KCNG3: variants seen among roughly 807,000 people sequenced by gnomAD.
The protein encoded by KCNG3 is voltage-gated potassium channel regulatory subunit KCNG3.
A neutral mutation model predicts 29.0 loss-of-function variants in KCNG3; 15 were observed. That is an observed-to-expected ratio of 0.52 (90% CI 0.35 to 0.80). The LOEUF is 0.80. Among genes scored for constraint, KCNG3 ranks in the 30% least tolerant of loss-of-function variants. KCNG3 has a pLI of 0.01. For missense variants in KCNG3, 512 were observed against 605.7 expected (o/e 0.85, Z 1.62); for synonymous variants, 322 against 248.9 (o/e 1.29, Z -2.76).
At chr2:42,399,056 C>CTTTTTT in the KCNG3 span, among the ~76,000 whole-genome samples, 38 of 107,630 alleles carry the variant, frequency 3.5e-4, no homozygotes, top group Non-Finnish European at 4.2e-4. Context: ...TTTTTCTTTT[C>CTTTTTT]TTTTTTTTTT....
At chr2:42,408,841 G>A in the KCNG3 span, among the ~76,000 whole-genome samples, 1 of 152,202 alleles carries the variant, frequency 6.6e-6, no homozygotes, top group Non-Finnish European at 1.5e-5. Flanking sequence ...AAGAGCTGCA[G>A]TCCTTTGCGG....
chr2:42,480,403 C>A (rs1238309552), intron 1 of KCNG3, among the ~76,000 whole-genome samples: 1 of 152,142 alleles, frequency 6.6e-6, no homozygotes, highest in Non-Finnish European at 1.5e-5. Flanking sequence ...GGTGGCACCA[C>A]CATTCTAAAT....
At chr2:42,446,524 T>C (rs762910214) in intron 1 of KCNG3, among the ~76,000 whole-genome samples, 1 of 152,118 alleles carries the variant, frequency 6.6e-6, no homozygotes, top group Non-Finnish European at 1.5e-5. Flanking sequence ...TATTATACCA[T>C]CACTTGTTTT....
chr2:42,484,972 G>C (rs1673684513), intron 1 of KCNG3, among the ~76,000 whole-genome samples: 1 of 152,170 alleles, frequency 6.6e-6, no homozygotes, highest in Admixed American at 6.5e-5. Context: ...AAAGCACTAA[G>C]ACTTTCATCT....
chr2:42,399,013 T>C, the KCNG3 span, among the ~76,000 whole-genome samples: 1 of 152,056 alleles, frequency 6.6e-6, no homozygotes, highest in African/African-American at 2.4e-5. Context: ...GCCCGTTTTT[T>C]AATATTGGGT....
the KCNG3 span, among the ~76,000 whole-genome samples, chr2:42,390,594 G>A: frequency 1.3e-5 from 2 of 152,116 alleles, no homozygotes; most frequent in Non-Finnish European, 1.5e-5. Flanking sequence ...TAAAACCCAG[G>A]GAAACAAGGC....
At position 42,493,421 on chromosome 2, in the gene KCNG3, C is replaced by T. The variant is rs781599211; in HGVS notation, c.81G>A (p.Leu27=). 28 of 1,503,832 alleles carry T rather than the reference C, an allele frequency of 1.9e-5. No homozygotes were observed. The highest frequency in any genetic ancestry group is 2.3e-5 in the Non-Finnish European group (26 of 1,130,052). 93.2% of individuals were successfully genotyped at this position (1,503,832 alleles called of 1,614,324 possible). A position where few individuals can be genotyped will look rare whatever the true frequency, so the allele number is the denominator to read the frequency against. The part of the protein sequence containing the change: ...GARYSLSREL[L]KDFPLRRVSR... ...TCACGCGGCGCAGCGGGAAGTCCTT[C>T]AGCAGCTCCCGGGACAGCGAATACC... Residue 27 remains leucine, a synonymous_variant, in exon 1 of 2, where the codon CTG becomes CTA. Transcript: ENST00000306078.
chr2:42,392,561 A>T, the KCNG3 span, among the ~76,000 whole-genome samples: 2 of 152,158 alleles, frequency 1.3e-5, no homozygotes, highest in African/African-American at 4.8e-5. Flanking sequence ...TCACTGAGAC[A>T]ACAATTATGG....
chr2:42,430,631 G>A, the KCNG3 span, among the ~76,000 whole-genome samples: 1 of 151,770 alleles, frequency 6.6e-6, no homozygotes, highest in Non-Finnish European at 1.5e-5. Context: ...CACACCTGTA[G>A]TCCCAGCTAC....
intron 1 of KCNG3, among the ~76,000 whole-genome samples, chr2:42,451,109 G>T (rs1003225908): frequency 1.4e-5 from 2 of 145,890 alleles, no homozygotes; most frequent in Non-Finnish European, 3.0e-5. Context: ...GGAGACTGAG[G>T]CAGGAGAACT....
the KCNG3 span, among the ~76,000 whole-genome samples, chr2:42,400,006 G>C: frequency 6.6e-6 from 1 of 152,198 alleles, no homozygotes; most frequent in Admixed American, 6.5e-5. Flanking sequence ...CTATTCAGGA[G>C]GCTGAGAAGA....
chr2:42,440,148 T>C (rs994609411), downstream of KCNG3, among the ~76,000 whole-genome samples: 2 of 152,098 alleles, frequency 1.3e-5, no homozygotes, highest in Admixed American at 1.3e-4. Flanking sequence ...AGGCATACAA[T>C]TGGGCCAAAA....
the KCNG3 span, among the ~76,000 whole-genome samples, chr2:42,427,881 G>A: frequency 6.6e-6 from 1 of 152,064 alleles, no homozygotes; most frequent in Non-Finnish European, 1.5e-5. Flanking sequence ...TAAAATGAAG[G>A]ATAATACAAA....
At chr2:42,427,471 T>A in the KCNG3 span, among the ~76,000 whole-genome samples, 1 of 152,030 alleles carries the variant, frequency 6.6e-6, no homozygotes, top group South Asian at 2.1e-4. Flanking sequence ...CTGGGTGTCA[T>A]GGCATGTGCC....
intron 1 of KCNG3, among the ~76,000 whole-genome samples, chr2:42,490,921 T>C (rs1673856570): frequency 6.6e-6 from 1 of 152,198 alleles, no homozygotes. Flanking sequence ...TCCTCTGTAA[T>C]GAGCAGCATC....
chr2:42,452,972 G>T (rs1238179627), intron 1 of KCNG3, among the ~76,000 whole-genome samples: 2 of 152,144 alleles, frequency 1.3e-5, no homozygotes, highest in African/African-American at 4.8e-5. Flanking sequence ...AGTAGAGATG[G>T]GGTTTCACCA....
chr2:42,468,280 T>C (rs1443919753), intron 1 of KCNG3, among the ~76,000 whole-genome samples: 1 of 152,108 alleles, frequency 6.6e-6, no homozygotes, highest in Non-Finnish European at 1.5e-5. Context: ...AATAGACCCT[T>C]TGAATTATTA....
chr2:42,468,765 C>G (rs1030943112), intron 1 of KCNG3, among the ~76,000 whole-genome samples: 17 of 151,294 alleles, frequency 1.1e-4, no homozygotes, highest in African/African-American at 4.1e-4. Context: ...CCAACCTGGC[C>G]AAGATGGTGA....
At chr2:42,432,698 A>G in the KCNG3 span, among the ~76,000 whole-genome samples, 26 of 152,322 alleles carry the variant, frequency 1.7e-4, 2 homozygotes, top group South Asian at 5.4e-3. Context: ...ACTCAAATTA[A>G]CTTGGGTTAA....
Sources: gnomAD v4.1 joint callset for allele counts (sites outside exome capture counted in the v4.1 genomes callset) on GRCh38, gnomAD v4.1.1 for gene constraint, MANE v1.5 for transcripts, NCBI Gene and HGNC (gene_info 2026-07-23, HGNC 2026-07-21) for gene names.